TCF7L2: variants seen among roughly 807,000 people sequenced by gnomAD.
The protein encoded by TCF7L2 is transcription factor 7-like 2.
In TCF7L2, 23 loss-of-function variants were observed where a neutral mutation model predicts 77.9. The ratio of observed to expected loss-of-function variants is 0.30; its 90% CI spans 0.21 to 0.42. The LOEUF (loss-of-function observed/expected upper bound fraction) is 0.42, where lower values mean the gene tolerates loss of function less well. Among genes scored for constraint, TCF7L2 ranks in the 10% least tolerant of loss-of-function variants. The pLI is 1.00. For synonymous variants in TCF7L2, 413 were observed against 340.2 expected (o/e 1.21, Z -2.36); for missense variants, 654 against 793.1 (o/e 0.82, Z 2.11).
In TCF7L2 at chr10:113,102,981, C is replaced by G. The variant is rs142122253; in HGVS notation, c.553-38203C>G. On this transcript the variant is annotated intron_variant, in intron 5 of 13. Coordinates refer to ENST00000627217, the MANE Select transcript of TCF7L2 (RefSeq NM_001146274.2). ...ACATGTACTCAGCACTTACTGTATA[C>G]CAGGCTCTGCCTTAAGTGGTTTTCA... Among the ~76,000 whole-genome samples the G allele has an allele frequency of 1.6e-3, 238 of 152,312 alleles. 1 individual carries two copies. The highest frequency in any genetic ancestry group is 5.3e-3 in the African/African-American group (219 of 41,566).
At chr10:113,157,801 C>T (rs1006563822) in intron 11 of TCF7L2, 1 of 505,050 alleles carries the variant, frequency 2.0e-6, no homozygotes, top group Admixed American at 3.3e-5. Flanking sequence ...CCCGCCAATC[C>T]CTTCTCTGCT....
intron 4 of TCF7L2, among the ~76,000 whole-genome samples, chr10:112,996,784 G>A (rs1394704731): frequency 5.9e-5 from 9 of 152,212 alleles, no homozygotes; most frequent in African/African-American, 1.4e-4. Context: ...GTCATGGTTC[G>A]TTAAAAGGCT....
chr10:113,117,394 T>TCC (rs1564916179), intron 5 of TCF7L2, among the ~76,000 whole-genome samples: 16 of 28,506 alleles, frequency 5.6e-4, no homozygotes, highest in South Asian at 9.4e-4. Flanking sequence ...TCTCTCTCTC[T>TCC]CTCTCTCTCT....
chr10:113,088,845 T>G (rs902932402), intron 5 of TCF7L2, among the ~76,000 whole-genome samples: 1 of 151,638 alleles, frequency 6.6e-6, no homozygotes, highest in African/African-American at 2.4e-5. Flanking sequence ...GGCGTGCACC[T>G]GTAGTCCTAA....
intron 8 of TCF7L2, among the ~76,000 whole-genome samples, chr10:113,146,747 G>C (rs1194662577): frequency 6.6e-6 from 1 of 151,032 alleles, no homozygotes; most frequent in Non-Finnish European, 1.5e-5. Flanking sequence ...AAGATGTTAT[G>C]TTCTTTTTTG....
At chr10:113,117,394 T>C (rs796285302) in intron 5 of TCF7L2, among the ~76,000 whole-genome samples, 342 of 28,498 alleles carry the variant, frequency 0.012, 14 homozygotes, top group African/African-American at 0.043. Flanking sequence ...TCTCTCTCTC[T>C]CTCTCTCTCT....
chr10:113,157,932 C>T, intron 11 of TCF7L2, 89 bp from the exon 12 acceptor site: 1 of 1,388,192 alleles, frequency 7.2e-7, no homozygotes, highest in South Asian at 1.3e-5. Context: ...ATGGTCACTT[C>T]CTCCTGCCTT....
chr10:112,981,180 T>C (rs998277189), intron 4 of TCF7L2, among the ~76,000 whole-genome samples: 1 of 152,034 alleles, frequency 6.6e-6, no homozygotes, highest in African/African-American at 2.4e-5. Context: ...ATGAGAAATG[T>C]CTCCTCACAG....
Position 112,972,516 on chromosome 10 carries a change from C to T in TCF7L2, c.450+7892C>T, listed in dbSNP as rs574136739. Among the ~76,000 whole-genome samples, 3 of 152,306 alleles carry T rather than the reference C, an allele frequency of 2.0e-5. No individual in the cohort carries two copies. The South Asian group carries it at 6.2e-4, about 32-fold the overall frequency. On this transcript the variant is annotated intron_variant, in intron 4 of 13. Transcript: ENST00000627217. ...ACAGGGTCTCACTCTGTCACCCAGG[C>T]TGGAGCACAGTGGTGTGATCATAGC...
intron 5 of TCF7L2, among the ~76,000 whole-genome samples, chr10:113,104,303 G>A (rs1031298616): frequency 3.9e-5 from 6 of 152,314 alleles, no homozygotes; most frequent in African/African-American, 1.4e-4. Flanking sequence ...TTCCCAGGCA[G>A]CCTCCTCTTG....
In TCF7L2 at chr10:113,166,452, T is replaced by TG. The variant is rs1449656080; in HGVS notation, c.*480_*481insG. The TG allele has an allele frequency of 2.4e-5, 1 of 41,594 alleles. No homozygotes were observed. Among genetic ancestry groups the TG allele is most frequent in the African/African-American group, 4.6e-4 (1 of 2,164 alleles). The allele number at this position is 41,594 out of a possible 1,614,324, so 2.6% of individuals were successfully genotyped here. ...GGCACCATGAATGCAGTGCCGTTAC[T>TG]TTTTTTTTTTTTTTCTGTGTGAAAC... On this transcript the variant is annotated 3_prime_UTR_variant, in exon 14 of 14. Coordinates refer to ENST00000627217, the MANE Select transcript of TCF7L2 (RefSeq NM_001146274.2).
rs555918082 is a variant in TCF7L2, at chr10:113,071,786, A to T, written c.552+31660A>T. 1.5e-4 allele frequency among the ~76,000 whole-genome samples: 23 copies of T among 152,310 alleles called. No homozygotes were observed. In the South Asian group the frequency reaches 4.6e-3, roughly 30 times the overall value. ...ATGGAGGGACACTATCAGGCAGGTC[A>T]CTATCAATGTGACAGACACTATCAG... On this transcript the variant is annotated intron_variant, in intron 5 of 13. Coordinates refer to ENST00000627217, the MANE Select transcript of TCF7L2 (RefSeq NM_001146274.2).
intron 5 of TCF7L2, among the ~76,000 whole-genome samples, chr10:113,099,624 C>T (rs1003717919): frequency 2.6e-5 from 4 of 152,160 alleles, no homozygotes; most frequent in Admixed American, 6.6e-5. Flanking sequence ...CTTGTCCTCC[C>T]CCTGGGAAAT....
intron 5 of TCF7L2, among the ~76,000 whole-genome samples, chr10:113,092,616 C>T (rs1374061325): frequency 2.0e-5 from 3 of 152,150 alleles, no homozygotes; most frequent in Non-Finnish European, 4.4e-5. Context: ...TGTGGTGGGT[C>T]ATGCCTGTAA....
intron 5 of TCF7L2, among the ~76,000 whole-genome samples, chr10:113,049,196 C>T (rs1225376860): frequency 6.6e-6 from 1 of 151,980 alleles, no homozygotes; most frequent in Non-Finnish European, 1.5e-5. Context: ...TGCCCCCCCG[C>T]CCCCTGACTC....
chr10:112,990,943 T>A (rs768366423), intron 4 of TCF7L2, among the ~76,000 whole-genome samples: 3 of 152,160 alleles, frequency 2.0e-5, no homozygotes, highest in Admixed American at 2.0e-4. Context: ...TTTGGTCAGT[T>A]GGTGTTGAAA....
Position 113,070,204 on chromosome 10 carries a change from C to T in TCF7L2, c.552+30078C>T, listed in dbSNP as rs546440483. Among the ~76,000 whole-genome samples, 22 of 149,060 alleles carry T rather than the reference C, an allele frequency of 1.5e-4. No homozygotes were observed. The South Asian group carries it at 1.5e-3, about 10-fold the overall frequency. On this transcript the variant is annotated intron_variant, in intron 5 of 13. Coordinates refer to ENST00000627217, the MANE Select transcript of TCF7L2 (RefSeq NM_001146274.2). ...CAGTGAGTCGGAGGTTGCAGTGAGC[C>T]GAGATGGTGCCACTGCACTCCAGCC... is the stretch of plus-strand genomic sequence containing the variant.
chr10:113,007,054 A>C (rs1176669995), intron 4 of TCF7L2, among the ~76,000 whole-genome samples: 1 of 152,224 alleles, frequency 6.6e-6, no homozygotes, highest in Non-Finnish European at 1.5e-5. Flanking sequence ...CAGCATTGGC[A>C]TCTCTGTCCT....
chr10:113,150,921 T>C (rs2070630769), intron 8 of TCF7L2, 77 bp from the exon 9 acceptor site: 2 of 1,554,744 alleles, frequency 1.3e-6, no homozygotes, highest in African/African-American at 1.4e-5. Flanking sequence ...TTTTTTTTTC[T>C]TTTTAATTGT....
Sources: allele counts gnomAD v4.1 joint callset (sites outside exome capture counted in the v4.1 genomes callset), GRCh38; gene constraint gnomAD v4.1.1; transcripts MANE v1.5; gene names NCBI Gene and HGNC (gene_info 2026-07-23, HGNC 2026-07-21).